Variants in CPNE8 observed in about 807,000 individuals in gnomAD.
The protein encoded by CPNE8 is copine-8.
Under a neutral mutation model 81.5 loss-of-function variants are expected in CPNE8, and 45 were observed. The observed-to-expected ratio is 0.55, with a 90% CI of 0.44 to 0.71. The LOEUF is 0.71. Ranked by LOEUF, CPNE8 falls within the 30% of genes least tolerant of loss-of-function variation. The pLI, the probability that CPNE8 is intolerant of heterozygous loss-of-function variation, is 0.00. For missense variants in CPNE8, 594 were observed against 672.1 expected, an observed-to-expected ratio of 0.88 and a Z score of 1.28; for synonymous variants, 252 against 226.3, an observed-to-expected ratio of 1.11 and a Z score of -1.02.
chr12:38,817,928 A>T (rs1183803561), intron 6 of CPNE8, among the ~76,000 whole-genome samples: 1 of 151,934 alleles, frequency 6.6e-6, no homozygotes, highest in African/African-American at 2.4e-5. Flanking sequence ...TGGCCAATTT[A>T]TTCATTTTTT....
chr12:38,883,312 C>T (rs1276181726), intron 1 of CPNE8, among the ~76,000 whole-genome samples: 4 of 152,104 alleles, frequency 2.6e-5, no homozygotes, highest in African/African-American at 9.7e-5. Flanking sequence ...TCATCTATAT[C>T]ATTCAGAACA....
At chr12:38,894,636 G>A (rs1348961394) in intron 1 of CPNE8, among the ~76,000 whole-genome samples, 6 of 146,114 alleles carry the variant, frequency 4.1e-5, no homozygotes, top group Non-Finnish European at 4.5e-5. Flanking sequence ...TTAGTCTCAC[G>A]TGCTTGCTCT....
intron 10 of CPNE8, among the ~76,000 whole-genome samples, chr12:38,754,045 C>T (rs1337145237): frequency 6.6e-6 from 1 of 152,094 alleles, no homozygotes; most frequent in East Asian, 1.9e-4. Context: ...GATAAACATT[C>T]CAAAGTGGCA....
Position 38,664,025 on chromosome 12 carries a change from C to T in CPNE8, c.1506+6704G>A, listed in dbSNP as rs144546908. 6.4e-4 allele frequency among the ~76,000 whole-genome samples: 98 copies of T among 151,954 alleles called. 1 individual carries two copies. In the East Asian group the frequency reaches 0.015, roughly 23 times the overall value. ...ACTGTGGTTAATGGATACAAAATTA[C>T]GGCTAGATAGGAGGAATAAATTCTG... On this transcript the variant is annotated intron_variant, in intron 19 of 19. Transcript: ENST00000331366.
intron 10 of CPNE8, among the ~76,000 whole-genome samples, chr12:38,744,435 C>A (rs1054995563): frequency 6.6e-6 from 1 of 152,210 alleles, no homozygotes; most frequent in African/African-American, 2.4e-5. Flanking sequence ...ATTCCCCCAA[C>A]TGACAAGTCA....
chr12:38,795,951 CTG>C, intron 6 of CPNE8, among the ~76,000 whole-genome samples: 1 of 152,096 alleles, frequency 6.6e-6, no homozygotes, highest in Middle Eastern at 3.4e-3. Flanking sequence ...GAATACAAGA[CTG>C]TGTAACATTT....
rs557200028 is a variant in CPNE8, at chr12:38,731,954, C to G, written c.723-1596G>C. Among the ~76,000 whole-genome samples the G allele has an allele frequency of 4.0e-5, 6 of 151,872 alleles. No homozygotes were observed. In the South Asian group the frequency reaches 6.3e-4, roughly 16 times the overall value. ...TGAAGGTTTTTTTTTAGAATCCATC[C>G]TCCTCCATTGCTATGCAAGTTTCAG... On this transcript the variant is annotated intron_variant, in intron 10 of 19. Coordinates refer to ENST00000331366, the MANE Select transcript of CPNE8 (RefSeq NM_153634.3).
At chr12:38,836,372 G>A (rs1303288412) in intron 5 of CPNE8, among the ~76,000 whole-genome samples, 2 of 151,974 alleles carry the variant, frequency 1.3e-5, no homozygotes, top group African/African-American at 4.8e-5. Flanking sequence ...TACGTCTTAT[G>A]TCATATTTAT....
chr12:38,675,210 A>G (rs1294059989), intron 18 of CPNE8, among the ~76,000 whole-genome samples: 1 of 152,210 alleles, frequency 6.6e-6, no homozygotes, highest in African/African-American at 2.4e-5. Context: ...TTCATATGAC[A>G]CAACTTCTTT....
At chr12:38,862,014 G>A (rs1943843433) in intron 3 of CPNE8, among the ~76,000 whole-genome samples, 1 of 152,060 alleles carries the variant, frequency 6.6e-6, no homozygotes, top group South Asian at 2.1e-4. Flanking sequence ...AAGCATCAAA[G>A]GGTACTAATA....
chr12:38,706,030 C>T (rs1289707694), intron 13 of CPNE8, among the ~76,000 whole-genome samples: 1 of 152,046 alleles, frequency 6.6e-6, no homozygotes, highest in Non-Finnish European at 1.5e-5. Context: ...CTATCATCCT[C>T]TTTTTACAGA....
chr12:38,775,204 C>T (rs527862092), intron 7 of CPNE8, among the ~76,000 whole-genome samples: 88 of 152,200 alleles, frequency 5.8e-4, no homozygotes, highest in African/African-American at 1.7e-3. Flanking sequence ...TCACGGCAGC[C>T]TTGAATTCCT....
intron 1 of CPNE8, among the ~76,000 whole-genome samples, chr12:38,888,979 G>C (rs986255431): frequency 6.6e-6 from 1 of 152,118 alleles, no homozygotes; most frequent in African/African-American, 2.4e-5. Flanking sequence ...TAATTATCAA[G>C]CACTTTCTAT....
chr12:38,784,992 T>A (rs981054723), intron 6 of CPNE8, among the ~76,000 whole-genome samples: 2 of 151,940 alleles, frequency 1.3e-5, no homozygotes, highest in Non-Finnish European at 2.9e-5. Context: ...GTCAGGTGTT[T>A]GAGACCAGCC....
chr12:38,821,507 A>G (rs1016313630), intron 6 of CPNE8, among the ~76,000 whole-genome samples: 11 of 152,160 alleles, frequency 7.2e-5, no homozygotes, highest in African/African-American at 2.7e-4. Context: ...CAAAGGGCTT[A>G]TTTGCACACA....
chr12:38,868,194 T>A (rs796994282), intron 3 of CPNE8, among the ~76,000 whole-genome samples: 5 of 152,090 alleles, frequency 3.3e-5, no homozygotes, highest in Non-Finnish European at 7.4e-5. Context: ...TTTACAGATA[T>A]ACCAAAATTG....
intron 2 of CPNE8, among the ~76,000 whole-genome samples, chr12:38,874,112 T>A (rs1944030812): frequency 6.8e-6 from 1 of 147,482 alleles, no homozygotes; most frequent in African/African-American, 2.5e-5. Flanking sequence ...CACTTTCATT[T>A]AAAAAAAAAA....
intron 13 of CPNE8, among the ~76,000 whole-genome samples, chr12:38,705,250 T>C (rs753746452): frequency 2.0e-5 from 3 of 152,152 alleles, no homozygotes; most frequent in Non-Finnish European, 2.9e-5. Flanking sequence ...GGGATTTAAA[T>C]AAAGCAATCC....
chr12:38,807,626 T>G, intron 6 of CPNE8, among the ~76,000 whole-genome samples: 1 of 151,724 alleles, frequency 6.6e-6, no homozygotes, highest in Admixed American at 6.6e-5. Context: ...GACTTAAACG[T>G]TAGACCTAAA....
Sources: gnomAD v4.1 joint callset for allele counts (sites outside exome capture counted in the v4.1 genomes callset) on GRCh38, gnomAD v4.1.1 for gene constraint, MANE v1.5 for transcripts, NCBI Gene and HGNC (gene_info 2026-07-23, HGNC 2026-07-21) for gene names.